ZFX: variants seen among roughly 807,000 people sequenced by gnomAD.
ZFX encodes the protein zinc finger protein X-linked.
For synonymous variants in ZFX, 196 were observed against 226.8 expected (o/e 0.86, Z 1.22); for missense variants, 362 against 628.3 (o/e 0.58, Z 4.53).
intron 7 of ZFX, 27 bp downstream of exon 7, chrX:24,207,882 A>G (rs1299356842): frequency 8.3e-7 from 1 of 1,203,544 alleles, no homozygotes; most frequent in East Asian, 3.0e-5. Flanking sequence ...TTTGTGGGAG[A>G]AAATTTTATG....
intron 5 of ZFX, among the ~76,000 whole-genome samples, chrX:24,196,472 G>A (rs1462686503): frequency 1.8e-5 from 2 of 112,109 alleles, no homozygotes; most frequent in African/African-American, 6.5e-5. Flanking sequence ...AGTACTCAGT[G>A]CTTACATTAT....
intron 4 of ZFX, among the ~76,000 whole-genome samples, chrX:24,175,175 C>T (rs1382944023): frequency 8.9e-6 from 1 of 112,409 alleles, no homozygotes; most frequent in Admixed American, 9.4e-5. Flanking sequence ...TTGAAAGAGA[C>T]TAAACTCTTT....
intron 9 of ZFX, 77 bp from the exon 10 acceptor site, chrX:24,210,116 C>T: frequency 1.7e-6 from 2 of 1,178,016 alleles, no homozygotes; most frequent in East Asian, 5.9e-5. Flanking sequence ...GTGGTCAGAA[C>T]CCACACTTTA....
rs767019753 is a variant in ZFX, at chrX:24,156,660, C to CTT, written c.-29+3840_-29+3841dup. 2.4e-5 allele frequency among the ~76,000 whole-genome samples: 2 copies of CTT among 83,580 alleles called. 1 individual carries two copies. The highest frequency in any genetic ancestry group is 7.6e-4 in the East Asian group (2 of 2,639). The allele number at this position is 83,580 out of a possible 115,157, so 72.6% of individuals were successfully genotyped here. ...TATACTATCCTGATTTAATAATAGC[C>CTT]TTTTTTTTTTTGGAGACGGAGTTTT... On this transcript the variant is annotated intron_variant, in intron 3 of 9. Coordinates refer to ENST00000304543, the MANE Select transcript of ZFX (RefSeq NM_003410.4).
rs1455527046 is a variant in ZFX at position 24,179,342 on chromosome X, T to C, written c.218T>C (p.Ile73Thr). 3.3e-6 allele frequency: 4 copies of C among 1,210,667 alleles called. No individual in the cohort carries two copies. The highest frequency in any genetic ancestry group is 2.2e-5 in the Admixed American group (1 of 45,808). Residue 73 changes from isoleucine (I) to threonine (T), a missense_variant, in exon 5 of 10, where the codon ATA (isoleucine) becomes ACA (threonine). By Grantham distance (89) the Ile-to-Thr change is moderately conservative. Coordinates refer to ENST00000304543, the MANE Select transcript of ZFX (RefSeq NM_003410.4). Reference protein sequence around the residue: ...VIQDVIEDVVIEDVQCPDIME... With the variant: ...VIQDVIEDVVTEDVQCPDIME... ...CAAGATGTTATTGAGGACGTTGTTA[T>C]AGAAGATGTTCAGTGCCCAGATATC...
rs373326310 is a variant in ZFX, at chrX:24,189,013, A to G, written c.646+9243A>G. Among the ~76,000 whole-genome samples, 37 of 111,149 alleles carry G rather than the reference A, an allele frequency of 3.3e-4. 1 individual carries two copies. The East Asian group carries it at 4.3e-3, about 13-fold the overall frequency. ...CCACCACACCTGACTAATTTTTTGT[A>G]TTTTTAGTAGAGACGGGGTTTCACT... is the stretch of plus-strand genomic sequence containing the variant. On this transcript the variant is annotated intron_variant, in intron 5 of 9. Transcript: ENST00000304543.
intron 3 of ZFX, among the ~76,000 whole-genome samples, chrX:24,163,465 C>T (rs1485869402): frequency 1.1e-5 from 1 of 91,589 alleles, no homozygotes; most frequent in Non-Finnish European, 2.1e-5. Flanking sequence ...GCAACCTCTG[C>T]CTCCTGGGTT....
intron 4 of ZFX, chrX:24,173,657 T>G: frequency 1.1e-6 from 1 of 902,609 alleles, no homozygotes; most frequent in Non-Finnish European, 1.6e-6. Context: ...GCCATCTGGG[T>G]CCACTGCAAC....
At chrX:24,172,123 A>T in intron 3 of ZFX, among the ~76,000 whole-genome samples, 1 of 112,162 alleles carries the variant, frequency 8.9e-6, no homozygotes. Context: ...TGAGAGGGTT[A>T]GTTAAGAGAG....
intron 5 of ZFX, among the ~76,000 whole-genome samples, chrX:24,184,739 T>C (rs1479384271): frequency 9.0e-6 from 1 of 111,560 alleles, no homozygotes; most frequent in Non-Finnish European, 1.9e-5. Flanking sequence ...TAATATATGT[T>C]TTATGTATGT....
chrX:24,200,256 AGAG>A (rs1175796588), intron 5 of ZFX, among the ~76,000 whole-genome samples: 6 of 111,540 alleles, frequency 5.4e-5, no homozygotes, highest in African/African-American at 1.3e-4. Flanking sequence ...AATAGGGAAA[AGAG>A]GAGAGAACAG....
intron 9 of ZFX, 65 bp from the exon 10 acceptor site, chrX:24,210,128 A>G (rs1240056371): frequency 2.5e-6 from 3 of 1,194,604 alleles, no homozygotes; most frequent in Admixed American, 2.2e-5. Flanking sequence ...CACACTTTAT[A>G]TTCGCAAAGA....
rs1938090318 is a variant in ZFX, at chrX:24,211,660, ATATT to A, written c.*291_*294del. The A allele has an allele frequency of 3.8e-6, 1 of 265,040 alleles. No individual in the cohort carries two copies. The highest frequency in any genetic ancestry group is 6.5e-6 in the Non-Finnish European group (1 of 152,689). 21.8% of individuals were successfully genotyped at this position (265,040 alleles called of 1,213,427 possible). ...CCGAAGTTTTATATCTTAGAATTTT[ATATT>A]TATTTAAATATTTACCTTGCTTACC... On this transcript the variant is annotated 3_prime_UTR_variant, in exon 10 of 10. Transcript: ENST00000304543.
chrX:24,184,434 A>C (rs775482497), intron 5 of ZFX, among the ~76,000 whole-genome samples: 1 of 111,166 alleles, frequency 9.0e-6, no homozygotes, highest in Non-Finnish European at 1.9e-5. Context: ...TTAACTGCGC[A>C]CTATCTCTTG....
intron 5 of ZFX, among the ~76,000 whole-genome samples, chrX:24,197,235 G>A (rs751554725): frequency 2.7e-5 from 3 of 111,710 alleles, no homozygotes; most frequent in Non-Finnish European, 5.6e-5. Context: ...TGTAGGAAAT[G>A]GAAGTGGAAG....
At chrX:24,169,486 G>A (rs1056676773) in intron 3 of ZFX, among the ~76,000 whole-genome samples, 7 of 109,455 alleles carry the variant, frequency 6.4e-5, no homozygotes, top group African/African-American at 2.3e-4. Context: ...AGGGTTTCTA[G>A]TCATTTGTTG....
chrX:24,170,487 T>C (rs1472808783), intron 3 of ZFX, among the ~76,000 whole-genome samples: 4 of 111,031 alleles, frequency 3.6e-5, no homozygotes, highest in Non-Finnish European at 7.5e-5. Context: ...ACGTTTATCA[T>C]TTTTAAAAGG....
intron 3 of ZFX, among the ~76,000 whole-genome samples, chrX:24,157,588 G>T (rs1249718846): frequency 1.8e-4 from 20 of 111,848 alleles, no homozygotes. Context: ...GGAAGAAATT[G>T]CAAAGTGGGT....
intron 9 of ZFX, among the ~76,000 whole-genome samples, chrX:24,209,899 A>G (rs1206126803): frequency 8.9e-6 from 1 of 112,170 alleles, no homozygotes; most frequent in Non-Finnish European, 1.9e-5. Flanking sequence ...ACCAATTTCT[A>G]AATTGCTGTA....
Sources: allele counts gnomAD v4.1 joint callset (sites outside exome capture counted in the v4.1 genomes callset), GRCh38; gene constraint gnomAD v4.1.1; transcripts MANE v1.5; gene names NCBI Gene and HGNC (gene_info 2026-07-23, HGNC 2026-07-21).